CRPPA: variants seen among roughly 807,000 people sequenced by gnomAD.
The protein encoded by CRPPA is D-ribitol-5-phosphate cytidylyltransferase.
In CRPPA, 43 loss-of-function variants were observed where a neutral mutation model predicts 52.0. The ratio of observed to expected loss-of-function variants is 0.83; its 90% CI spans 0.65 to 1.07. The LOEUF (loss-of-function observed/expected upper bound fraction) is 1.07. Among genes scored for constraint, CRPPA ranks in the 50% least tolerant of loss-of-function variants. The probability of loss-of-function intolerance (pLI) is 0.00; values close to 1 mark genes in which losing one functional copy is unlikely to be tolerated. For synonymous variants in CRPPA, 250 were observed against 203.5 expected (o/e 1.23, Z -1.94); for missense variants, 629 against 551.7 (o/e 1.14, Z -1.40).
intron 5 of CRPPA, among the ~76,000 whole-genome samples, chr7:16,284,541 T>A (rs558518293): frequency 6.6e-6 from 1 of 152,256 alleles, no homozygotes; most frequent in African/African-American, 2.4e-5. Flanking sequence ...TCTTATGGTC[T>A]TAATATTTCA....
At chr7:16,207,501 G>A (rs1782000731) in intron 9 of CRPPA, among the ~76,000 whole-genome samples, 2 of 152,194 alleles carry the variant, frequency 1.3e-5, no homozygotes, top group South Asian at 2.1e-4. Context: ...AGCTGCTTAT[G>A]CAGTTTGGAT....
intron 9 of CRPPA, among the ~76,000 whole-genome samples, chr7:16,124,093 G>A (rs1782528479): frequency 1.4e-5 from 2 of 146,330 alleles, no homozygotes; most frequent in African/African-American, 5.1e-5. Context: ...GGATCATATA[G>A]GCTCAATTTC....
At chr7:16,177,507 C>T (rs1246568185) in intron 9 of CRPPA, among the ~76,000 whole-genome samples, 1 of 151,762 alleles carries the variant, frequency 6.6e-6, no homozygotes, top group East Asian at 1.9e-4. Flanking sequence ...GGGTCATCTC[C>T]ATGTAGATGA....
intron 5 of CRPPA, among the ~76,000 whole-genome samples, chr7:16,296,238 A>C (rs1784672817): frequency 6.6e-6 from 1 of 152,116 alleles, no homozygotes; most frequent in Admixed American, 6.6e-5. Flanking sequence ...CTTGCTATCT[A>C]CCACAATTTG....
At chr7:16,398,128 C>T (rs563659502) in intron 2 of CRPPA, among the ~76,000 whole-genome samples, 91 of 152,028 alleles carry the variant, frequency 6.0e-4, no homozygotes, top group Middle Eastern at 3.4e-3. Context: ...TGACATTATT[C>T]GCACTTGACT....
chr7:16,270,084 T>C (rs994090345), intron 6 of CRPPA: 1 of 152,152 alleles, frequency 6.6e-6, no homozygotes, highest in South Asian at 2.1e-4. Context: ...CATATTTACT[T>C]TATGTGTAAA....
At chr7:16,156,985 T>C (rs1462168151) in intron 9 of CRPPA, among the ~76,000 whole-genome samples, 1 of 152,156 alleles carries the variant, frequency 6.6e-6, no homozygotes, top group South Asian at 2.1e-4. Context: ...TGAGCAGCAA[T>C]AACATAGTTT....
chr7:16,105,561 G>A (rs1483899017), intron 9 of CRPPA, among the ~76,000 whole-genome samples: 1 of 152,114 alleles, frequency 6.6e-6, no homozygotes, highest in East Asian at 1.9e-4. Context: ...AAACAAAGGA[G>A]GCAGAGGTCC....
At chr7:16,388,093 C>A (rs1787339323) in intron 2 of CRPPA, among the ~76,000 whole-genome samples, 1 of 152,202 alleles carries the variant, frequency 6.6e-6, no homozygotes. Flanking sequence ...AAGCAACCTG[C>A]CAGCCTCAGC....
chr7:16,378,345 G>C (rs552937380), intron 2 of CRPPA, among the ~76,000 whole-genome samples: 1 of 142,188 alleles, frequency 7.0e-6, no homozygotes, highest in African/African-American at 2.6e-5. Flanking sequence ...CCACCTATGA[G>C]TGAGAACATG....
chr7:16,305,999 A>T (rs1264658053), intron 4 of CRPPA, among the ~76,000 whole-genome samples: 2 of 152,182 alleles, frequency 1.3e-5, no homozygotes, highest in African/African-American at 4.8e-5. Flanking sequence ...GCCTCTTCCT[A>T]GCTTCTGGTG....
At chr7:16,413,954 T>G (rs1248657404) in intron 1 of CRPPA, among the ~76,000 whole-genome samples, 1 of 152,156 alleles carries the variant, frequency 6.6e-6, no homozygotes, top group East Asian at 1.9e-4. Flanking sequence ...GAAAATATTC[T>G]GAAACATGAA....
chr7:16,245,264 C>T (rs1303507773), intron 8 of CRPPA, among the ~76,000 whole-genome samples: 1 of 152,210 alleles, frequency 6.6e-6, no homozygotes, highest in East Asian at 1.9e-4. Flanking sequence ...TACTAATGAG[C>T]AAACTGTGAT....
intron 3 of CRPPA, among the ~76,000 whole-genome samples, chr7:16,368,684 C>A (rs1213975575): frequency 6.6e-6 from 1 of 152,076 alleles, no homozygotes; most frequent in Non-Finnish European, 1.5e-5. Flanking sequence ...TCAAATTCTG[C>A]AAAAATAATT....
Position 16,236,840 on chromosome 7 carries a change from T to C in CRPPA, c.1120-20643A>G, listed in dbSNP as rs73291481. 2.8e-3 allele frequency among the ~76,000 whole-genome samples: 430 copies of C among 152,240 alleles called. 2 individuals are homozygous for C. The highest frequency in any genetic ancestry group is 9.7e-3 in the African/African-American group (404 of 41,548). ...AAAAGACATTGTAATATAAAAGATA[T>C]ATTTTAAATTGTGTCTATCCCTGGA... is the stretch of plus-strand genomic sequence containing the variant. On this transcript the variant is annotated intron_variant, in intron 8 of 9. Transcript: ENST00000407010.
chr7:16,229,203 G>A (rs1197936651), intron 8 of CRPPA, among the ~76,000 whole-genome samples: 2 of 151,886 alleles, frequency 1.3e-5, no homozygotes, highest in East Asian at 1.9e-4. Context: ...CTCTTTGGCA[G>A]CATATTGTTG....
At chr7:16,324,513 A>T (rs1244073947) in intron 3 of CRPPA, among the ~76,000 whole-genome samples, 1 of 152,130 alleles carries the variant, frequency 6.6e-6, no homozygotes, top group Non-Finnish European at 1.5e-5. Context: ...GGCCCATCAC[A>T]CCTGACTTTG....
At chr7:16,332,288 T>G (rs1487373154) in intron 3 of CRPPA, among the ~76,000 whole-genome samples, 1 of 152,166 alleles carries the variant, frequency 6.6e-6, no homozygotes, top group Non-Finnish European at 1.5e-5. Context: ...AAACCTGCTT[T>G]GCTAGCAATG....
At chr7:16,387,070 T>TATATATATATATATATACAC in intron 2 of CRPPA, among the ~76,000 whole-genome samples, 1 of 67,610 alleles carries the variant, frequency 1.5e-5, no homozygotes, top group Non-Finnish European at 2.7e-5. Context: ...TATATATATA[T>TATATATATATATATATACAC]ATATATATAT....
Sources: allele counts gnomAD v4.1 joint callset (sites outside exome capture counted in the v4.1 genomes callset), GRCh38; gene constraint gnomAD v4.1.1; transcripts MANE v1.5; gene names NCBI Gene and HGNC (gene_info 2026-07-23, HGNC 2026-07-21).